The following LHFPL2 variants were observed in gnomAD, a reference collection of about 807,000 sequenced individuals.
The protein encoded by LHFPL2 is LHFPL tetraspan subfamily member 2.
LHFPL2 carries 7 observed loss-of-function variants against 17.5 expected under a neutral mutation model. The observed-to-expected ratio is 0.40, with a 90% CI of 0.23 to 0.75. The LOEUF is 0.75. Ranked by LOEUF, LHFPL2 falls within the 30% of genes least tolerant of loss-of-function variation. The pLI is 0.37. For missense variants in LHFPL2, 241 were observed against 294.8 expected (o/e 0.82, Z 1.34); for synonymous variants, 134 against 116.2 (o/e 1.15, Z -0.99).
chr5:78,607,647 C>A (rs1197396158), intron 2 of LHFPL2, among the ~76,000 whole-genome samples: 2 of 152,202 alleles, frequency 1.3e-5, no homozygotes, highest in Admixed American at 1.3e-4. Context: ...CCTGTAGTTA[C>A]TGACCCCAAT....
rs376008513 is a variant in LHFPL2, at chr5:78,570,896, ACAGTTCTTAGTGG to A, written c.-244-6038_-244-6026del. 3.5e-3 allele frequency among the ~76,000 whole-genome samples: 526 copies of A among 152,208 alleles called. 4 individuals carry two copies. Among genetic ancestry groups the A allele is most frequent in the African/African-American group, 0.012 (501 of 41,534 alleles). On this transcript the variant is annotated intron_variant, in intron 2 of 4. Coordinates refer to ENST00000380345, the MANE Select transcript of LHFPL2 (RefSeq NM_005779.3). ...TGCTGACAAGCGCTTTCTGTGCCTGACAGTTCTTAGTGGTCTGCATTCCAAATCTAGGCATAAG... is the reference window on the plus strand; with the variant it reads ...TGCTGACAAGCGCTTTCTGTGCCTGATCTGCATTCCAAATCTAGGCATAAG...
At chr5:78,631,707 A>T (rs1356734897) in intron 2 of LHFPL2, among the ~76,000 whole-genome samples, 3 of 152,220 alleles carry the variant, frequency 2.0e-5, no homozygotes, top group East Asian at 1.9e-4. Flanking sequence ...AGGCCAACGC[A>T]GGCGGATCAC....
chr5:78,559,800 T>C (rs1756675151), intron 3 of LHFPL2, among the ~76,000 whole-genome samples: 1 of 152,212 alleles, frequency 6.6e-6, no homozygotes, highest in Non-Finnish European at 1.5e-5. Context: ...ACTCTAATAT[T>C]GGAATTTAAG....
intron 1 of LHFPL2, among the ~76,000 whole-genome samples, chr5:78,647,208 T>C (rs1373156412): frequency 1.3e-5 from 2 of 152,198 alleles, no homozygotes; most frequent in African/African-American, 4.8e-5. Context: ...TAAAAAACAT[T>C]TCCTCTTCCC....
intron 2 of LHFPL2, among the ~76,000 whole-genome samples, chr5:78,566,098 C>G (rs1561342013): frequency 6.6e-6 from 1 of 152,216 alleles, no homozygotes; most frequent in East Asian, 1.9e-4. Flanking sequence ...GTAAATTAAA[C>G]AGAAAATATT....
intron 4 of LHFPL2, among the ~76,000 whole-genome samples, chr5:78,502,477 A>C (rs1754803300): frequency 6.6e-6 from 1 of 152,240 alleles, no homozygotes; most frequent in African/African-American, 2.4e-5. Context: ...TTAGTGATGA[A>C]GCCTTACTTC....
intron 3 of LHFPL2, among the ~76,000 whole-genome samples, chr5:78,563,348 T>G (rs935970483): frequency 6.6e-6 from 1 of 152,188 alleles, no homozygotes; most frequent in South Asian, 2.1e-4. Flanking sequence ...TAATCTTTAT[T>G]AATAGAAAAT....
chr5:78,644,639 A>G, intron 1 of LHFPL2: 1 of 350,116 alleles, frequency 2.9e-6, no homozygotes, highest in South Asian at 3.5e-5. Context: ...TCTCTTTCAT[A>G]ATGGGTCTTG....
intron 3 of LHFPL2, among the ~76,000 whole-genome samples, chr5:78,542,337 G>A (rs1043116415): frequency 2.0e-5 from 3 of 152,134 alleles, no homozygotes; most frequent in African/African-American, 7.2e-5. Context: ...CTCTTACAGA[G>A]CTGCCACATC....
At chr5:78,600,876 G>T (rs1238743641) in intron 2 of LHFPL2, among the ~76,000 whole-genome samples, 2 of 152,170 alleles carry the variant, frequency 1.3e-5, no homozygotes, top group African/African-American at 2.4e-5. Flanking sequence ...TTCCACAATG[G>T]AACATAAATA....
At chr5:78,535,682 C>T (rs1270151171) in intron 3 of LHFPL2, among the ~76,000 whole-genome samples, 2 of 152,296 alleles carry the variant, frequency 1.3e-5, no homozygotes, top group South Asian at 2.1e-4. Flanking sequence ...CCACTCCCCA[C>T]CAAGCCTGTG....
At chr5:78,560,359 A>G (rs1385944771) in intron 3 of LHFPL2, among the ~76,000 whole-genome samples, 1 of 152,254 alleles carries the variant, frequency 6.6e-6, no homozygotes, top group Non-Finnish European at 1.5e-5. Context: ...TTGGCAATAT[A>G]TCTCCATATT....
chr5:78,612,065 A>G (rs1744440308), intron 2 of LHFPL2, among the ~76,000 whole-genome samples: 1 of 152,240 alleles, frequency 6.6e-6, no homozygotes, highest in African/African-American at 2.4e-5. Flanking sequence ...AAAAGAGAAT[A>G]GGAAGAGAGA....
At chr5:78,529,596 A>G (rs1325997817) in intron 3 of LHFPL2, among the ~76,000 whole-genome samples, 1 of 151,240 alleles carries the variant, frequency 6.6e-6, no homozygotes, top group Admixed American at 6.6e-5. Context: ...AGATTGCGCC[A>G]CTGCAGTCCG....
chr5:78,573,633 G>A (rs907977160), intron 2 of LHFPL2, among the ~76,000 whole-genome samples: 4 of 152,216 alleles, frequency 2.6e-5, no homozygotes, highest in African/African-American at 4.8e-5. Flanking sequence ...CAGAGCTCCT[G>A]CACAGCCTGT....
chr5:78,512,578 C>T (rs940447711), intron 3 of LHFPL2, among the ~76,000 whole-genome samples: 13 of 151,454 alleles, frequency 8.6e-5, no homozygotes, highest in South Asian at 2.1e-4. Context: ...GAAAATGAGC[C>T]ACAAGGACTC....
intron 3 of LHFPL2, among the ~76,000 whole-genome samples, chr5:78,527,003 T>C (rs755164971): frequency 7.9e-5 from 12 of 152,230 alleles, no homozygotes; most frequent in East Asian, 1.9e-4. Context: ...AGGCAACAAA[T>C]ACAGAGTTGA....
Position 78,488,612 on chromosome 5 carries a change from TCC to T in LHFPL2, c.*283_*284del, listed in dbSNP as rs1253808840. On this transcript the variant is annotated 3_prime_UTR_variant, in exon 5 of 5. Transcript: ENST00000380345. ...GCTGCCCTAATGATTTAGATTATTA[TCC>T]TTCATTGAACCTGGGGGAGATGGAG... The T allele has an allele frequency of 4.9e-6, 2 of 411,110 alleles. No homozygotes were observed. Among genetic ancestry groups the T allele is most frequent in the Non-Finnish European group, 4.5e-6 (1 of 221,760 alleles). The allele number at this position is 411,110 out of a possible 1,614,324, so 25.5% of individuals were successfully genotyped here.
At chr5:78,615,894 C>T (rs777899292) in intron 2 of LHFPL2, among the ~76,000 whole-genome samples, 2 of 152,140 alleles carry the variant, frequency 1.3e-5, no homozygotes, top group African/African-American at 2.4e-5. Context: ...AAAGCAGTCA[C>T]AGGTGACTCA....
Sources: allele counts gnomAD v4.1 joint callset (sites outside exome capture counted in the v4.1 genomes callset), GRCh38; gene constraint gnomAD v4.1.1; transcripts MANE v1.5; gene names NCBI Gene and HGNC (gene_info 2026-07-23, HGNC 2026-07-21).